The following IL1RAPL1 variants were observed in gnomAD, a reference collection of about 807,000 sequenced individuals.
IL1RAPL1 encodes interleukin-1 receptor accessory protein-like 1.
Under a neutral mutation model 48.4 loss-of-function variants are expected in IL1RAPL1, and 3 were observed. The ratio of observed to expected loss-of-function variants is 0.06; its 90% CI spans 0.03 to 0.16. The LOEUF (loss-of-function observed/expected upper bound fraction) is 0.16, where lower values mean the gene tolerates loss of function less well. IL1RAPL1 is among the 10% of genes least tolerant of loss of function. The pLI is 1.00. For synonymous variants in IL1RAPL1, 185 were observed against 187.7 expected (o/e 0.99, Z 0.12); for missense variants, 349 against 530.6 (o/e 0.66, Z 3.36).
At chrX:29,252,998 C>A (rs1197254212) in intron 2 of IL1RAPL1, among the ~76,000 whole-genome samples, 1 of 110,732 alleles carries the variant, frequency 9.0e-6, no homozygotes, top group Non-Finnish European at 1.9e-5. Context: ...ACTATGTTTT[C>A]TGGTACTAAA....
At chrX:29,248,372 G>A (rs1266217088) in intron 2 of IL1RAPL1, among the ~76,000 whole-genome samples, 1 of 111,723 alleles carries the variant, frequency 9.0e-6, no homozygotes, top group Admixed American at 9.5e-5. Flanking sequence ...GCAGTGAACC[G>A]AGATCATGCC....
At chrX:29,763,769 T>C (rs145759183) in intron 6 of IL1RAPL1, among the ~76,000 whole-genome samples, 2,954 of 110,833 alleles carry the variant, frequency 0.027, 91 homozygotes, top group African/African-American at 0.092. Context: ...TTTCTAGTTT[T>C]GTAAAATGAA....
intron 5 of IL1RAPL1, among the ~76,000 whole-genome samples, chrX:29,639,081 T>G (rs927956270): frequency 3.7e-4 from 40 of 107,173 alleles, no homozygotes; most frequent in African/African-American, 1.2e-3. Context: ...AGCTACTCGG[T>G]AGGCTGAGGC....
At chrX:29,835,235 A>AG (rs1251297350) in intron 6 of IL1RAPL1, among the ~76,000 whole-genome samples, 1 of 101,984 alleles carries the variant, frequency 9.8e-6, no homozygotes, top group African/African-American at 4.5e-5. Context: ...CTCTTACTTT[A>AG]AAAAAAAACT....
intron 2 of IL1RAPL1, among the ~76,000 whole-genome samples, chrX:28,827,733 G>C (rs754870181): frequency 9.0e-6 from 1 of 111,461 alleles, no homozygotes; most frequent in South Asian, 3.7e-4. Context: ...GGGTTGTTTT[G>C]CTTTCCCACA....
intron 5 of IL1RAPL1, among the ~76,000 whole-genome samples, chrX:29,547,663 T>G (rs751616964): frequency 1.8e-5 from 2 of 111,818 alleles, no homozygotes; most frequent in African/African-American, 3.2e-5. Flanking sequence ...AATATGTCAT[T>G]GGAAAGAAAA....
At chrX:29,209,299 T>G (rs1930725873) in intron 2 of IL1RAPL1, among the ~76,000 whole-genome samples, 1 of 112,649 alleles carries the variant, frequency 8.9e-6, no homozygotes. Context: ...AATTTTTTTA[T>G]TTGAATGGTG....
At chrX:29,874,799 A>G (rs765744659) in intron 6 of IL1RAPL1, among the ~76,000 whole-genome samples, 1 of 112,501 alleles carries the variant, frequency 8.9e-6, no homozygotes, top group South Asian at 3.7e-4. Flanking sequence ...TGCAGCATCA[A>G]CAGTAAAAGA....
Position 29,567,088 on chromosome X carries a change from G to A in IL1RAPL1, c.704-101342G>A, listed in dbSNP as rs1237194149. On this transcript the variant is annotated intron_variant, in intron 5 of 10. Transcript: ENST00000378993. ...ATAATTTTTCAGAACTGAAAAATAA[G>A]AGTAGAGTCCACTGTTTAAAAGTAT... 3.6e-5 allele frequency among the ~76,000 whole-genome samples: 4 copies of A among 111,283 alleles called. No individual in the cohort carries two copies. The East Asian group carries it at 8.4e-4, about 23-fold the overall frequency.
intron 2 of IL1RAPL1, among the ~76,000 whole-genome samples, chrX:28,894,856 T>C (rs1035533895): frequency 2.7e-5 from 3 of 110,359 alleles, no homozygotes; most frequent in Non-Finnish European, 5.7e-5. Flanking sequence ...GGGATTGGGG[T>C]TTGGGAGATT....
At chrX:28,695,590 G>A (rs1601862524) in intron 1 of IL1RAPL1, among the ~76,000 whole-genome samples, 1 of 111,873 alleles carries the variant, frequency 8.9e-6, no homozygotes, top group Non-Finnish European at 1.9e-5. Flanking sequence ...AAATAAGATA[G>A]TGAAAGTTTG....
chrX:28,646,970 C>A (rs921681980), intron 1 of IL1RAPL1, among the ~76,000 whole-genome samples: 1 of 111,847 alleles, frequency 8.9e-6, no homozygotes, highest in Admixed American at 9.5e-5. Context: ...AATTCTAAGC[C>A]GAATGACTGT....
chrX:28,825,395 G>C (rs1233834736), intron 2 of IL1RAPL1, among the ~76,000 whole-genome samples: 1 of 110,984 alleles, frequency 9.0e-6, no homozygotes, highest in Non-Finnish European at 1.9e-5. Context: ...TATAATAGGG[G>C]CATCGTGATA....
chrX:28,788,632 A>ATTT (rs140618332), intron 1 of IL1RAPL1, among the ~76,000 whole-genome samples: 1,232 of 92,717 alleles, frequency 0.013, 9 homozygotes, highest in Middle Eastern at 0.06. Context: ...ACGCCCAGCT[A>ATTT]TTTTTTTTTT....
Position 29,546,370 on chromosome X carries a change from A to T in IL1RAPL1, c.704-122060A>T, listed in dbSNP as rs746254970. ...GACTTTAGTGAGTTCAAGGCATCAG[A>T]GCTTGTCTTTATCAATAAATATTTC... is the stretch of plus-strand genomic sequence containing the variant. On this transcript the variant is annotated intron_variant, in intron 5 of 10. Coordinates refer to ENST00000378993, the MANE Select transcript of IL1RAPL1 (RefSeq NM_014271.4). 9.0e-5 allele frequency among the ~76,000 whole-genome samples: 10 copies of T among 111,495 alleles called. No homozygotes were observed. The East Asian group carries it at 2.2e-3, about 25-fold the overall frequency.
chrX:29,097,580 T>C (rs73210046), intron 2 of IL1RAPL1, among the ~76,000 whole-genome samples: 19,600 of 111,190 alleles, frequency 0.18, 1,311 homozygotes, highest in Admixed American at 0.24. Flanking sequence ...CCTTATGCAT[T>C]TCCATCAAAT....
intron 2 of IL1RAPL1, among the ~76,000 whole-genome samples, chrX:29,247,427 C>T (rs990899803): frequency 6.5e-5 from 7 of 107,353 alleles, no homozygotes; most frequent in African/African-American, 2.2e-4. Context: ...TGAAATAACA[C>T]GGACAGAGAA....
chrX:29,782,921 T>TTTTC (rs1297300281), intron 6 of IL1RAPL1, among the ~76,000 whole-genome samples: 43 of 80,808 alleles, frequency 5.3e-4, no homozygotes, highest in African/African-American at 2.6e-3. Flanking sequence ...TTTTTTTTTT[T>TTTTC]TGAGACGGAG....
At chrX:29,803,015 GTGTACATATACATGTATGCATATATACAT>G (rs1930037766) in intron 6 of IL1RAPL1, among the ~76,000 whole-genome samples, 1 of 42,507 alleles carries the variant, frequency 2.4e-5, no homozygotes, top group Non-Finnish European at 4.3e-5. Flanking sequence ...ATATACATAT[GTGTACATATACATGTATGCATATATACAT>G]ATATGTGTAC....
Sources: gnomAD v4.1 joint callset for allele counts (sites outside exome capture counted in the v4.1 genomes callset) on GRCh38, gnomAD v4.1.1 for gene constraint, MANE v1.5 for transcripts, NCBI Gene and HGNC (gene_info 2026-07-23, HGNC 2026-07-21) for gene names.